CHD1: variants seen among roughly 807,000 people sequenced by gnomAD.
The protein encoded by CHD1 is chromodomain helicase DNA binding protein 1.
CHD1 carries 36 observed loss-of-function variants against 224.2 expected under a neutral mutation model. The observed-to-expected ratio is 0.16, with a 90% CI of 0.12 to 0.21. The LOEUF is 0.21. Ranked by LOEUF, CHD1 falls within the 10% of genes least tolerant of loss-of-function variation. CHD1 has a pLI of 1.00. For synonymous variants in CHD1, 668 were observed against 658.3 expected (o/e 1.01, Z -0.23); for missense variants, 1,378 against 1,994.8 (o/e 0.69, Z 5.89).
chr5:98,883,889 A>G (rs410220), intron 18 of CHD1: 113,461 of 114,472 alleles, frequency 0.99, 56,259 homozygotes, highest in Middle Eastern at 1. Context: ...TTTTTTTGAC[A>G]GAGTCTCACT....
At chr5:98,895,434 A>C (rs1751282280) in intron 12 of CHD1, among the ~76,000 whole-genome samples, 1 of 152,180 alleles carries the variant, frequency 6.6e-6, no homozygotes, top group African/African-American at 2.4e-5. Flanking sequence ...GTCTGTTCTC[A>C]TGCATATTTG....
Position 98,896,212 on chromosome 5 carries a change from G to A in CHD1, c.1710+14C>T. ...GTACATTTTGATTTCTACATTTACA[G>A]GGAAACAACTTACCATGTTTCTGCT... On this transcript the variant is annotated intron_variant, in intron 12 of 35. Transcript: ENST00000614616. 6.3e-7 allele frequency: 1 copy of A among 1,590,566 alleles called. No homozygotes were observed. The highest frequency in any genetic ancestry group is 8.6e-7 in the Non-Finnish European group (1 of 1,158,776).
chr5:98,859,169 T>C (rs1161883886), intron 33 of CHD1, among the ~76,000 whole-genome samples, 154 bp from the exon 34 acceptor site: 3 of 152,074 alleles, frequency 2.0e-5, no homozygotes, highest in Non-Finnish European at 4.4e-5. Flanking sequence ...CATTTATAGA[T>C]CTCCATTTTT....
At chr5:98,894,970 CA>C (rs1157409600) in intron 12 of CHD1, among the ~76,000 whole-genome samples, 1 of 151,858 alleles carries the variant, frequency 6.6e-6, no homozygotes, top group African/African-American at 2.4e-5. Flanking sequence ...TACAGGAATG[CA>C]CCACCACGCC....
In CHD1 at chr5:98,856,391, G is replaced by A. The variant is rs200109773; in HGVS notation, c.5122C>T (p.Arg1708Trp). The change falls in exon 36 of 36, where the codon CGG (arginine) becomes TGG (tryptophan). Residue 1708 changes from arginine to tryptophan, a missense_variant. Arg to Trp is a moderately radical substitution (Grantham distance 101). Transcript: ENST00000614616. ...KSTPEHTWSS[R>W]KT ...AGTATCAGTTTTTGTTATGTTTTCC[G>A]ACTACTCCAGGTATGCTCCGGTGTA... 1.9e-4 allele frequency: 309 copies of A among 1,606,840 alleles called. No individual in the cohort carries two copies. Among genetic ancestry groups the A allele is most frequent in the Admixed American group, 3.3e-4 (20 of 59,764 alleles).
intron 31 of CHD1, among the ~76,000 whole-genome samples, chr5:98,868,159 T>G (rs1309145424): frequency 6.6e-6 from 1 of 151,388 alleles, no homozygotes; most frequent in Non-Finnish European, 1.5e-5. Context: ...AAAATCCCCA[T>G]CTTTACAAAA....
At chr5:98,869,547 T>A (rs1749155257) in intron 30 of CHD1, 1 of 550,972 alleles carries the variant, frequency 1.8e-6, no homozygotes, top group African/African-American at 1.9e-5. Flanking sequence ...TGCTATATAA[T>A]ATCTACTGGA....
chr5:98,918,336 A>G (rs1752877397), intron 2 of CHD1, among the ~76,000 whole-genome samples: 1 of 151,614 alleles, frequency 6.6e-6, no homozygotes, highest in Non-Finnish European at 1.5e-5. Context: ...CTGGGATTAC[A>G]GATGTGAGCC....
intron 31 of CHD1, among the ~76,000 whole-genome samples, chr5:98,866,710 A>G (rs956318495): frequency 1.3e-5 from 2 of 152,164 alleles, no homozygotes; most frequent in Non-Finnish European, 2.9e-5. Context: ...TTATATATAA[A>G]TTTGTGTATA....
intron 17 of CHD1, 49 bp from the exon 18 acceptor site, chr5:98,885,698 C>T: frequency 9.4e-7 from 1 of 1,058,772 alleles, no homozygotes; most frequent in Non-Finnish European, 1.4e-6. Flanking sequence ...CAAAGTATTA[C>T]AAAGCAATTA....
rs1561526544 is a variant in CHD1 at position 98,899,671 on chromosome 5, T to C, written c.894A>G (p.Glu298=). Reference sequence around the variant, plus strand: ...AGCCTGCATTTGGGTCACCATCTGCTTCAACTGCATAGATGGTTGTAGTAG... The same window carrying C: ...AGCCTGCATTTGGGTCACCATCTGCCTCAACTGCATAGATGGTTGTAGTAG... ...TGATTTIYAV[E]ADGDPNAGFE... The change falls in exon 8 of 36, where the codon GAA becomes GAG. Residue 298 remains glutamate, a synonymous_variant. Transcript: ENST00000614616. The C allele has an allele frequency of 6.2e-7, 1 of 1,613,750 alleles. No individual in the cohort carries two copies. Among genetic ancestry groups the C allele is most frequent in the Non-Finnish European group, 8.5e-7 (1 of 1,179,820 alleles).
In CHD1 at chr5:98,855,500, T is replaced by A. The variant is rs1402799245; in HGVS notation, c.*880A>T. On this transcript the variant is annotated 3_prime_UTR_variant, in exon 36 of 36. Transcript: ENST00000614616. Reference sequence around the variant, plus strand: ...TACATATCTCGCCATTTTTTAAAACTACAAACACAATATTGACTAAAAAAG... The same window carrying A: ...TACATATCTCGCCATTTTTTAAAACAACAAACACAATATTGACTAAAAAAG... 5 of 152,146 alleles carry A rather than the reference T, an allele frequency of 3.3e-5. No individual in the cohort carries two copies. The highest frequency in any genetic ancestry group is 5.9e-5 in the Non-Finnish European group (4 of 67,942). The allele number at this position is 152,146 out of a possible 1,614,324, so 9.4% of individuals were successfully genotyped here.
intron 22 of CHD1, among the ~76,000 whole-genome samples, chr5:98,880,333 T>C (rs1180362074): frequency 6.6e-6 from 1 of 152,220 alleles, no homozygotes; most frequent in Non-Finnish European, 1.5e-5. Context: ...TTCTGTCTTA[T>C]CTCCCCCTGC....
At position 98,901,170 on chromosome 5, in the gene CHD1, C is replaced by G; in HGVS notation, c.587+16G>C. 1 of 1,596,166 alleles carries G rather than the reference C, an allele frequency of 6.3e-7. No homozygotes were observed. Among genetic ancestry groups the G allele is most frequent in the Middle Eastern group, 1.7e-4 (1 of 5,938 alleles). ...ACTTTCCACAATCAATTTTCAGCAC[C>G]AAACTGAGACCATACCTATTTTGAG... On this transcript the variant is annotated intron_variant, in intron 6 of 35. Transcript: ENST00000614616.
chr5:98,893,008 T>C (rs563272687), intron 14 of CHD1, among the ~76,000 whole-genome samples: 3 of 152,188 alleles, frequency 2.0e-5, no homozygotes, highest in Non-Finnish European at 4.4e-5. Context: ...TTTAAAGTTC[T>C]GGACCTACTG....
In CHD1 at chr5:98,914,712, A is replaced by C. The variant is rs1245083294; in HGVS notation, c.54-9614T>G. ...TGCTTTCTCTCCAAAGCAATCAATA[A>C]AACTTTTCACTCTTCAAGACTATTA... On this transcript the variant is annotated intron_variant, in intron 2 of 35. Transcript: ENST00000614616. Among the ~76,000 whole-genome samples, 3 of 152,170 alleles carry C rather than the reference A, an allele frequency of 2.0e-5. No individual in the cohort carries two copies. The East Asian group carries it at 5.8e-4, about 29-fold the overall frequency.
intron 15 of CHD1, among the ~76,000 whole-genome samples, chr5:98,890,387 C>G (rs1040691131): frequency 5.9e-5 from 9 of 152,158 alleles, no homozygotes; most frequent in African/African-American, 1.9e-4. Context: ...ATGCTCAATG[C>G]CCTAAGAGGT....
chr5:98,914,865 T>C (rs1452638224), intron 2 of CHD1, among the ~76,000 whole-genome samples: 1 of 144,350 alleles, frequency 6.9e-6, no homozygotes, highest in African/African-American at 2.8e-5. Context: ...CTTCACAGTA[T>C]TACAATTATT....
At chr5:98,923,893 T>C (rs927844776) in intron 2 of CHD1, among the ~76,000 whole-genome samples, 23 of 152,238 alleles carry the variant, frequency 1.5e-4, no homozygotes, top group African/African-American at 5.5e-4. Flanking sequence ...TCCTATTTTA[T>C]GAATAGTTTG....
Sources: gnomAD v4.1 joint callset for allele counts (sites outside exome capture counted in the v4.1 genomes callset) on GRCh38, gnomAD v4.1.1 for gene constraint, MANE v1.5 for transcripts, NCBI Gene and HGNC (gene_info 2026-07-23, HGNC 2026-07-21) for gene names.